PCNX2: variants seen among roughly 807,000 people sequenced by gnomAD.
PCNX2 encodes the protein pecanex-like protein 2.
A neutral mutation model predicts 223.8 loss-of-function variants in PCNX2; 168 were observed. That is an observed-to-expected ratio of 0.75 (90% CI 0.66 to 0.85). PCNX2 has a LOEUF of 0.85. Ranked by LOEUF, PCNX2 falls within the 40% of genes least tolerant of loss-of-function variation. The pLI, the probability that PCNX2 is intolerant of heterozygous loss-of-function variation, is 0.00. For synonymous variants in PCNX2, 1,006 were observed against 1,052.6 expected (o/e 0.96, Z 0.86); for missense variants, 2,507 against 2,675.5 (o/e 0.94, Z 1.39).
At chr1:233,279,691 G>C (rs930937117) in intron 1 of PCNX2, among the ~76,000 whole-genome samples, 1 of 151,972 alleles carries the variant, frequency 6.6e-6, no homozygotes, top group Non-Finnish European at 1.5e-5. Flanking sequence ...ATTATAACAT[G>C]ATTTATTATT....
intron 1 of PCNX2, chr1:233,294,043 T>C (rs1558434222): frequency 2.1e-6 from 2 of 961,456 alleles, no homozygotes; most frequent in Non-Finnish European, 2.5e-6. Context: ...GCTTTTTATA[T>C]ATAATTTTGG....
chr1:233,164,581 T>A (rs1175778933), intron 17 of PCNX2, among the ~76,000 whole-genome samples: 1 of 151,364 alleles, frequency 6.6e-6, no homozygotes, highest in Non-Finnish European at 1.5e-5. Context: ...ATAATCACAT[T>A]TTATATATGA....
At chr1:233,227,502 A>G (rs1425320454) in intron 9 of PCNX2, 131 bp from the exon 10 acceptor site, 1 of 821,252 alleles carries the variant, frequency 1.2e-6, no homozygotes, top group African/African-American at 1.8e-5. Flanking sequence ...ACAAAAAGCA[A>G]ATGTTCAAAT....
intron 12 of PCNX2, among the ~76,000 whole-genome samples, chr1:233,212,073 T>C (rs981802489): frequency 6.6e-6 from 1 of 152,224 alleles, no homozygotes; most frequent in African/African-American, 2.4e-5. Flanking sequence ...AACATTATTT[T>C]TTGGTGGCTG....
chr1:233,168,786 T>C (rs1678953777), intron 17 of PCNX2, among the ~76,000 whole-genome samples: 2 of 152,154 alleles, frequency 1.3e-5, no homozygotes, highest in Non-Finnish European at 2.9e-5. Flanking sequence ...ATTATGCTTT[T>C]CCAGATGATT....
At chr1:233,015,338 A>G (rs991095009) in intron 27 of PCNX2, among the ~76,000 whole-genome samples, 1 of 152,194 alleles carries the variant, frequency 6.6e-6, no homozygotes, top group Non-Finnish European at 1.5e-5. Flanking sequence ...GGATCACTTG[A>G]GCCCAGGAGT....
chr1:233,148,112 G>A (rs1292913676), intron 19 of PCNX2, among the ~76,000 whole-genome samples: 1 of 152,148 alleles, frequency 6.6e-6, no homozygotes, highest in African/African-American at 2.4e-5. Flanking sequence ...AACTACCACT[G>A]CTTTCCATGG....
chr1:233,236,739 C>T, intron 9 of PCNX2, 106 bp downstream of exon 9: 1 of 1,484,516 alleles, frequency 6.7e-7, no homozygotes, highest in Non-Finnish European at 9.1e-7. Flanking sequence ...ATGCAAAATT[C>T]AGGGAAAGAG....
chr1:233,274,708 C>T lies in PCNX2; in HGVS notation c.154-11545G>A, dbSNP rs1660820809. Among the ~76,000 whole-genome samples the T allele has an allele frequency of 3.9e-5, 6 of 152,208 alleles. No individual in the cohort carries two copies. The South Asian group carries it at 1.2e-3, about 32-fold the overall frequency. Reference sequence around the variant, plus strand: ...ATAAAGCATGCTGAGAAAAGCCAGGCAGAGGAAACAGCATGAGAAAAGCAA... The same window carrying T: ...ATAAAGCATGCTGAGAAAAGCCAGGTAGAGGAAACAGCATGAGAAAAGCAA... On this transcript the variant is annotated intron_variant, in intron 1 of 33. Coordinates refer to ENST00000258229, the MANE Select transcript of PCNX2 (RefSeq NM_014801.4).
intron 26 of PCNX2, among the ~76,000 whole-genome samples, chr1:233,020,663 A>G (rs982469051): frequency 1.4e-4 from 22 of 152,240 alleles, no homozygotes; most frequent in Non-Finnish European, 2.9e-5. Context: ...CCTTTCTAAA[A>G]GAGCTGCCCA....
chr1:233,052,301 T>C (rs921091118), intron 25 of PCNX2, among the ~76,000 whole-genome samples: 1 of 152,216 alleles, frequency 6.6e-6, no homozygotes, highest in Non-Finnish European at 1.5e-5. Flanking sequence ...TGGTGTTCAA[T>C]CTGGGAAAAC....
chr1:233,044,916 G>A (rs12073940), intron 25 of PCNX2, among the ~76,000 whole-genome samples: 209 of 152,128 alleles, frequency 1.4e-3, no homozygotes, highest in African/African-American at 4.8e-3. Context: ...TGATCCACCC[G>A]CCTCAGCCTC....
intron 8 of PCNX2, among the ~76,000 whole-genome samples, chr1:233,240,431 A>G (rs1658690312): frequency 1.3e-5 from 2 of 152,184 alleles, no homozygotes; most frequent in Non-Finnish European, 2.9e-5. Context: ...ACATTAATAC[A>G]TATAAAGTGA....
chr1:233,294,579 C>G (rs182337689), intron 1 of PCNX2, among the ~76,000 whole-genome samples: 21 of 152,238 alleles, frequency 1.4e-4, no homozygotes, highest in East Asian at 1.4e-3. Context: ...ATTCTTGGCA[C>G]GTAAAGTTTA....
the PCNX2 span, among the ~76,000 whole-genome samples, chr1:233,318,601 T>C: frequency 6.9e-6 from 1 of 145,260 alleles, no homozygotes; most frequent in Non-Finnish European, 1.5e-5. Context: ...AGTCTCACTC[T>C]TGTTCAGGCT....
At chr1:233,178,353 G>A (rs1390054929) in intron 16 of PCNX2, among the ~76,000 whole-genome samples, 1 of 152,108 alleles carries the variant, frequency 6.6e-6, no homozygotes, top group African/African-American at 2.4e-5. Flanking sequence ...AAGAGTTACG[G>A]TTATCTTAAA....
Position 233,000,296 on chromosome 1 carries a change from C to T in PCNX2, c.5328+9G>A. On this transcript the variant is annotated intron_variant, in intron 30 of 33. Transcript: ENST00000258229. The surrounding 1 kb of genome is among the most constrained non-coding windows in gnomAD (Gnocchi z 4.6). ...CCAACAGGGGACCCAGAAAGTGTGG[C>T]CGCCATACCTTGATCACCTTGAAGC... The T allele has an allele frequency of 6.2e-7, 1 of 1,613,432 alleles. No homozygotes were observed. Among genetic ancestry groups the T allele is most frequent in the South Asian group, 1.1e-5 (1 of 91,050 alleles).
At chr1:233,192,284 T>A (rs1458835631) in intron 15 of PCNX2, among the ~76,000 whole-genome samples, 1 of 152,230 alleles carries the variant, frequency 6.6e-6, no homozygotes, top group Non-Finnish European at 1.5e-5. Flanking sequence ...GCGGTAGCTG[T>A]GAGTTACTAT....
chr1:233,144,725 T>A (rs775588132), intron 19 of PCNX2, among the ~76,000 whole-genome samples: 12 of 152,158 alleles, frequency 7.9e-5, no homozygotes, highest in Non-Finnish European at 8.8e-5. Flanking sequence ...TTTTTCCTAT[T>A]GGATTATATG....
Sources: allele counts gnomAD v4.1 joint callset (sites outside exome capture counted in the v4.1 genomes callset), GRCh38; gene constraint gnomAD v4.1.1; non-coding constraint Gnocchi (gnomAD v3.1); transcripts MANE v1.5; gene names NCBI Gene and HGNC (gene_info 2026-07-23, HGNC 2026-07-21).